Variants in GTSE1 observed in about 807,000 individuals in gnomAD.
The protein encoded by GTSE1 is G2 and S-phase expressed 1.
A neutral mutation model predicts 60.5 loss-of-function variants in GTSE1; 52 were observed. The ratio of observed to expected loss-of-function variants is 0.86; its 90% CI spans 0.69 to 1.08. The LOEUF is 1.08. GTSE1 is among the 50% of genes least tolerant of loss of function. GTSE1 has a pLI of 0.00. For synonymous variants in GTSE1, 368 were observed against 386.5 expected (o/e 0.95, Z 0.56); for missense variants, 937 against 961.8 (o/e 0.97, Z 0.34).
rs566600906 is a variant in GTSE1, at chr22:46,317,586, T to C, written c.1432+1174T>C. Among the ~76,000 whole-genome samples, 8 of 152,352 alleles carry C rather than the reference T, an allele frequency of 5.3e-5. No homozygotes were observed. The East Asian group carries it at 1.5e-3, about 29-fold the overall frequency. On this transcript the variant is annotated intron_variant, in intron 7 of 11. Coordinates refer to ENST00000454366, the MANE Select transcript of GTSE1 (RefSeq NM_016426.7). This position sits in a 1 kb window ranked among gnomAD's most constrained non-coding sequence, Gnocchi z 5.6. Reference sequence around the variant, plus strand: ...ACAAGTTTTTCTTGGTTGTTGGATATTGTCAGGTGTACACTTTTGAATGTC... The same window carrying C: ...ACAAGTTTTTCTTGGTTGTTGGATACTGTCAGGTGTACACTTTTGAATGTC...
chr22:46,320,919 G>A lies in GTSE1; in HGVS notation c.1433-2271G>A, dbSNP rs549611653. Among the ~76,000 whole-genome samples the A allele has an allele frequency of 1.3e-5, 2 of 152,018 alleles. No individual in the cohort carries two copies. Among genetic ancestry groups the A allele is most frequent in the African/African-American group, 4.8e-5 (2 of 41,386 alleles). ...TCTGTTTCATAAGAATGACCTTCCC[G>A]TGCCACCATGGAAGCTGCTGAAGAG... On this transcript the variant is annotated intron_variant, in intron 7 of 11. Coordinates refer to ENST00000454366, the MANE Select transcript of GTSE1 (RefSeq NM_016426.7). This position sits in a 1 kb window ranked among gnomAD's most constrained non-coding sequence, Gnocchi z 7.1.
Position 46,308,780 on chromosome 22 carries a change from C to A in GTSE1, c.599C>A (p.Thr200Asn), listed in dbSNP as rs1477107324. The A allele has an allele frequency of 6.2e-7, 1 of 1,613,154 alleles. No homozygotes were observed. The highest frequency in any genetic ancestry group is 1.7e-5 in the Admixed American group (1 of 60,030). Residue 200 changes from threonine to asparagine, a missense_variant, in exon 4 of 12, where the codon ACC (threonine) becomes AAC (asparagine). Transcript: ENST00000454366. ...AGCTCTGGTGCCCAGGCCCGCCTCACCCGGGCGCCGGGGCCTCCGCACTCT... is the reference window on the plus strand; with the variant it reads ...AGCTCTGGTGCCCAGGCCCGCCTCAACCGGGCGCCGGGGCCTCCGCACTCT... ...LPSSGAQARL[T>N]RAPGPPHSAH...
rs942533844 is a variant in GTSE1, at chr22:46,318,427, C to G, written c.1432+2015C>G. Among the ~76,000 whole-genome samples the G allele has an allele frequency of 3.3e-5, 5 of 152,154 alleles. No homozygotes were observed. The highest frequency in any genetic ancestry group is 1.2e-4 in the African/African-American group (5 of 41,438). On this transcript the variant is annotated intron_variant, in intron 7 of 11. Coordinates refer to ENST00000454366, the MANE Select transcript of GTSE1 (RefSeq NM_016426.7). The surrounding 1 kb of genome is among the most constrained non-coding windows in gnomAD (Gnocchi z 4.8). Reference sequence around the variant, plus strand: ...GGGGACAAGGGACATCATGATAAGACAGACCTACTCTCACAGAATTTCTGT... The same window carrying G: ...GGGGACAAGGGACATCATGATAAGAGAGACCTACTCTCACAGAATTTCTGT...
At position 46,316,423 on chromosome 22, in the gene GTSE1, G is replaced by C. The variant is rs1260067588; in HGVS notation, c.1432+11G>C. 1.4e-6 allele frequency: 2 copies of C among 1,449,786 alleles called. No individual in the cohort carries two copies. Among genetic ancestry groups the C allele is most frequent in the Non-Finnish European group, 1.9e-6 (2 of 1,057,388 alleles). 89.8% of individuals were successfully genotyped at this position (1,449,786 alleles called of 1,614,324 possible). The stretch of plus-strand genomic sequence containing the variant: ...CTAAGTTTTCTATTGGTGAGTAATA[G>C]ATACATTTTAATGTGTCTTTAAAAA... On this transcript the variant is annotated intron_variant, in intron 7 of 11. Transcript: ENST00000454366. The surrounding 1 kb of genome is among the most constrained non-coding windows in gnomAD (Gnocchi z 5.0).
chr22:46,315,152 G>A (rs913460135), intron 6 of GTSE1, among the ~76,000 whole-genome samples: 4 of 151,404 alleles, frequency 2.6e-5, no homozygotes, highest in Admixed American at 2.0e-4. Context: ...TCTGCCTCCC[G>A]GGTTCGAGTG....
In GTSE1 at chr22:46,312,255, G is replaced by GC; in HGVS notation, c.879dup (p.Gly294ArgfsTer59). The GC allele has an allele frequency of 6.2e-7, 1 of 1,613,908 alleles. No individual in the cohort carries two copies. The highest frequency in any genetic ancestry group is 8.5e-7 in the Non-Finnish European group (1 of 1,179,946). On this transcript the variant is annotated frameshift_variant, in exon 5 of 12. Coordinates refer to ENST00000454366, the MANE Select transcript of GTSE1 (RefSeq NM_016426.7). LOFTEE classifies it high-confidence loss of function. ...CCCGGGTGCTGTCAATGTGCCGGCC[G>GC]CCGGAAGCCACTTGGGCCAGGGCAA...
intron 2 of GTSE1, among the ~76,000 whole-genome samples, chr22:46,301,962 C>G (rs912618421): frequency 5.3e-5 from 8 of 152,090 alleles, no homozygotes; most frequent in African/African-American, 1.9e-4. Context: ...AACCCCGTCT[C>G]TACTAAAAAT....
chr22:46,315,590 G>A (rs958976087), intron 6 of GTSE1, among the ~76,000 whole-genome samples: 21 of 152,218 alleles, frequency 1.4e-4, no homozygotes, highest in African/African-American at 4.6e-4. Flanking sequence ...ATTTTAAATA[G>A]TGCTTATGGT....
chr22:46,326,650 A>G lies in GTSE1; in HGVS notation c.1720A>G (p.Met574Val), dbSNP rs773718624. ...CTCTGAGCCCCGCAAGAACTCTGCA[A>G]TGAGGTAAGACACGAAGGTGGTAAT... ...RSSEPRKNSA[M>V]RTEPTRESNR... The change falls in exon 9 of 12, where the codon ATG (methionine) becomes GTG (valine). Residue 574 changes from methionine to valine, a missense_variant. By Grantham distance (21) the Met-to-Val change is conservative. Coordinates refer to ENST00000454366, the MANE Select transcript of GTSE1 (RefSeq NM_016426.7). 21 of 1,604,662 alleles carry G rather than the reference A, an allele frequency of 1.3e-5. No homozygotes were observed. Among genetic ancestry groups the G allele is most frequent in the South Asian group, 3.4e-5 (3 of 89,230 alleles).
In GTSE1 at chr22:46,310,855, A is replaced by C. The variant is rs575126825; in HGVS notation, c.763-1286A>C. On this transcript the variant is annotated intron_variant, in intron 4 of 11. Coordinates refer to ENST00000454366, the MANE Select transcript of GTSE1 (RefSeq NM_016426.7). This position sits in a 1 kb window ranked among gnomAD's most constrained non-coding sequence, Gnocchi z 4.4. ...TGAGGCAGGAGAATCGCCTGAACCC[A>C]GGAGGTGGAGGTTGCAGTGAGCCAA... is the stretch of plus-strand genomic sequence containing the variant. Among the ~76,000 whole-genome samples, 3 of 152,246 alleles carry C rather than the reference A, an allele frequency of 2.0e-5. No homozygotes were observed. Among genetic ancestry groups the C allele is most frequent in the East Asian group, 3.9e-4 (2 of 5,172 alleles).
Position 46,314,561 on chromosome 22 carries a change from G to A in GTSE1, c.1051+548G>A, listed in dbSNP as rs992456481. On this transcript the variant is annotated intron_variant, in intron 6 of 11. Coordinates refer to ENST00000454366, the MANE Select transcript of GTSE1 (RefSeq NM_016426.7). The surrounding 1 kb of genome is among the most constrained non-coding windows in gnomAD (Gnocchi z 7.1). ...GTCTCGGGGTCGTTCAGGGCAGCAT[G>A]GTGTGGATTGTGTTCACAAAATGTA... is the stretch of plus-strand genomic sequence containing the variant. 6.6e-6 allele frequency among the ~76,000 whole-genome samples: 1 copy of A among 152,026 alleles called. No individual in the cohort carries two copies. Among genetic ancestry groups the A allele is most frequent in the Admixed American group, 6.6e-5 (1 of 15,254 alleles).
In GTSE1 at chr22:46,321,496, C is replaced by T. The variant is rs1419614783; in HGVS notation, c.1433-1694C>T. ...TCAGCTGTGTGCGAGCTGCGCGCCT[C>T]TCCAGTGCTGGGGTGAACATGGAGG... is the stretch of plus-strand genomic sequence containing the variant. On this transcript the variant is annotated intron_variant, in intron 7 of 11. Transcript: ENST00000454366. The surrounding 1 kb of genome is among the most constrained non-coding windows in gnomAD (Gnocchi z 4.0). Among the ~76,000 whole-genome samples, 1 of 152,212 alleles carries T rather than the reference C, an allele frequency of 6.6e-6. No individual in the cohort carries two copies. Among genetic ancestry groups the T allele is most frequent in the East Asian group, 1.9e-4 (1 of 5,184 alleles).
In GTSE1 at chr22:46,320,486, A is replaced by G. The variant is rs2077806363; in HGVS notation, c.1433-2704A>G. Among the ~76,000 whole-genome samples, 1 of 152,128 alleles carries G rather than the reference A, an allele frequency of 6.6e-6. No homozygotes were observed. Among genetic ancestry groups the G allele is most frequent in the Admixed American group, 6.6e-5 (1 of 15,266 alleles). ...CTCTGGGAGGCACGTGGTGGTGTGC[A>G]CTTTTTGGCTGAGAGCACTGGTGGT... On this transcript the variant is annotated intron_variant, in intron 7 of 11. Transcript: ENST00000454366. This position sits in a 1 kb window ranked among gnomAD's most constrained non-coding sequence, Gnocchi z 7.1.
rs1276504529 is a variant in GTSE1 at position 46,309,020 on chromosome 22, G to A, written c.762+77G>A. ...CAGCCCTCTCACAGAAGCCACATGC[G>A]GAAAGCCTCAGAGGTGGCGAGTCTC... On this transcript the variant is annotated intron_variant, in intron 4 of 11. Transcript: ENST00000454366. This position sits in a 1 kb window ranked among gnomAD's most constrained non-coding sequence, Gnocchi z 6.2. 5 of 1,485,550 alleles carry A rather than the reference G, an allele frequency of 3.4e-6. No individual in the cohort carries two copies. In the African/African-American group the frequency reaches 4.2e-5, roughly 13 times the overall value. The allele number at this position is 1,485,550 out of a possible 1,614,324, so 92.0% of individuals were successfully genotyped here. A position where few individuals can be genotyped will look rare whatever the true frequency, so the allele number is the denominator to read the frequency against.
chr22:46,315,119 C>T (rs1674470209), intron 6 of GTSE1, among the ~76,000 whole-genome samples: 1 of 150,190 alleles, frequency 6.7e-6, no homozygotes, highest in Admixed American at 6.6e-5. Flanking sequence ...AGTGCAGTGG[C>T]GCAATCTTGG....
In GTSE1 at chr22:46,317,837, C is replaced by T. The variant is rs989635135; in HGVS notation, c.1432+1425C>T. 7.2e-5 allele frequency among the ~76,000 whole-genome samples: 11 copies of T among 152,074 alleles called. No individual in the cohort carries two copies. The highest frequency in any genetic ancestry group is 5.3e-4 in the Admixed American group (8 of 15,198). On this transcript the variant is annotated intron_variant, in intron 7 of 11. Transcript: ENST00000454366. The surrounding 1 kb of genome is among the most constrained non-coding windows in gnomAD (Gnocchi z 5.6). Reference sequence around the variant, plus strand: ...TGCTGCAAGATGACACCTTCTCGGCCCTGTGAGCTCCGCTCGTTGCTCCCT... The same window carrying T: ...TGCTGCAAGATGACACCTTCTCGGCTCTGTGAGCTCCGCTCGTTGCTCCCT...
At chr22:46,298,069 TCTC>T (rs2147809317) in intron 2 of GTSE1, among the ~76,000 whole-genome samples, 1 of 152,006 alleles carries the variant, frequency 6.6e-6, no homozygotes, top group Admixed American at 6.6e-5. Flanking sequence ...TTGAAGGGAT[TCTC>T]CTGCCTCAGC....
Position 46,323,265 on chromosome 22 carries a change from G to T in GTSE1, c.1505+3G>T. The stretch of plus-strand genomic sequence containing the variant: ...CAGTCGTGCACGTCAGTTGGCAGGT[G>T]AGTGACGTTGGTCCGCTTCCTCTCT... On this transcript the variant is annotated splice_donor_region_variant and intron_variant, in intron 8 of 11. Transcript: ENST00000454366. 1 of 1,608,702 alleles carries T rather than the reference G, an allele frequency of 6.2e-7. No homozygotes were observed. The highest frequency in any genetic ancestry group is 1.1e-5 in the South Asian group (1 of 90,976).
Position 46,297,696 on chromosome 22 carries a change from C to T in GTSE1, c.79+217C>T, listed in dbSNP as rs939727528. Among the ~76,000 whole-genome samples, 1 of 152,256 alleles carries T rather than the reference C, an allele frequency of 6.6e-6. No homozygotes were observed. The highest frequency in any genetic ancestry group is 2.4e-5 in the African/African-American group (1 of 41,470). ...GGATTCTCATCCGTTTTATTTACCGCAGTGCTCCCATGCCCTGAACAGCAC... is the reference window on the plus strand; with the variant it reads ...GGATTCTCATCCGTTTTATTTACCGTAGTGCTCCCATGCCCTGAACAGCAC... On this transcript the variant is annotated intron_variant, in intron 2 of 11. Transcript: ENST00000454366. This position sits in a 1 kb window ranked among gnomAD's most constrained non-coding sequence, Gnocchi z 4.9.
Sources: allele counts gnomAD v4.1 joint callset (sites outside exome capture counted in the v4.1 genomes callset), GRCh38; gene constraint gnomAD v4.1.1; non-coding constraint Gnocchi (gnomAD v3.1); transcripts MANE v1.5; gene names NCBI Gene and HGNC (gene_info 2026-07-23, HGNC 2026-07-21).